The following C7 variants were observed in gnomAD, a reference collection of about 807,000 sequenced individuals.
The protein encoded by C7 is complement C7.
Under a neutral mutation model 104.8 loss-of-function variants are expected in C7, and 83 were observed. The ratio of observed to expected loss-of-function variants is 0.79; its 90% CI spans 0.66 to 0.95. The LOEUF is 0.95. Among genes scored for constraint, C7 ranks in the 40% least tolerant of loss-of-function variants. C7 has a pLI of 0.00. For synonymous variants in C7, 415 were observed against 360.6 expected, an observed-to-expected ratio of 1.15 and a Z score of -1.71; for missense variants, 1,070 against 1,011.2, an observed-to-expected ratio of 1.06 and a Z score of -0.79.
intron 3 of C7, 106 bp from the exon 4 acceptor site, chr5:40,934,219 A>C (rs552629902): frequency 2.6e-6 from 3 of 1,169,460 alleles, no homozygotes; most frequent in Non-Finnish European, 3.4e-6. Flanking sequence ...TTGTTTTTCT[A>C]ATTGTATTAC....
At chr5:40,910,548 A>G (rs1739185530) in intron 1 of C7, among the ~76,000 whole-genome samples, 1 of 152,158 alleles carries the variant, frequency 6.6e-6, no homozygotes, top group Admixed American at 6.6e-5. Flanking sequence ...AAACACAAAT[A>G]ACAAAGTTAA....
intron 1 of C7, among the ~76,000 whole-genome samples, chr5:40,913,175 T>C (rs1455523803): frequency 6.6e-6 from 1 of 152,234 alleles, no homozygotes; most frequent in Non-Finnish European, 1.5e-5. Flanking sequence ...ATTGTGTATA[T>C]ACTGCATTTT....
At position 40,945,294 on chromosome 5, in the gene C7, C is replaced by A; in HGVS notation, c.664C>A (p.Arg222Ser). 6.2e-7 allele frequency: 1 copy of A among 1,607,628 alleles called. No individual in the cohort carries two copies. The highest frequency in any genetic ancestry group is 8.5e-7 in the Non-Finnish European group (1 of 1,176,636). ...STEHTSSSRK[R>S]SFFRSSSSSS... ...AGAACACACATCATCTAGTCGGAAGCGCTCCTTTTTTAGATCTTCATCATC... is the reference window on the plus strand; with the variant it reads ...AGAACACACATCATCTAGTCGGAAGAGCTCCTTTTTTAGATCTTCATCATC... Residue 222 changes from arginine (R) to serine (S), a missense_variant, in exon 7 of 18, where the codon CGC (arginine) becomes AGC (serine). Transcript: ENST00000313164.
chr5:40,934,402 C>G lies in C7; in HGVS notation c.216C>G (p.Ser72=). The G allele has an allele frequency of 6.2e-7, 1 of 1,613,704 alleles. No homozygotes were observed. Among genetic ancestry groups the G allele is most frequent in the Non-Finnish European group, 8.5e-7 (1 of 1,179,698 alleles). ...PCVGNAFETQ[S]CEPTRGCPTE... ...TTGGAAATGCTTTTGAAACACAGTCCTGTGAACCTACAAGAGGATGTCCAA... is the reference window on the plus strand; with the variant it reads ...TTGGAAATGCTTTTGAAACACAGTCGTGTGAACCTACAAGAGGATGTCCAA... The change falls in exon 4 of 18, where the codon TCC becomes TCG. Residue 72 remains serine, a synonymous_variant. Transcript: ENST00000313164.
intron 1 of C7, among the ~76,000 whole-genome samples, chr5:40,927,765 G>A (rs559055694): frequency 2.5e-4 from 38 of 152,206 alleles, no homozygotes; most frequent in African/African-American, 8.9e-4. Flanking sequence ...CTGTCAGAAT[G>A]GCTATTATCA....
chr5:40,930,298 C>T (rs2111577153), intron 2 of C7, among the ~76,000 whole-genome samples: 1 of 147,636 alleles, frequency 6.8e-6, no homozygotes, highest in African/African-American at 2.5e-5. Flanking sequence ...CTCTGCCTCC[C>T]AGGTTCAAGC....
In C7 at chr5:40,970,602, T is replaced by A. The variant is rs113037689; in HGVS notation, c.1883-1801T>A. Among the ~76,000 whole-genome samples the A allele has an allele frequency of 1.7e-3, 266 of 152,208 alleles. 1 individual carries two copies. The highest frequency in any genetic ancestry group is 5.6e-3 in the African/African-American group (234 of 41,514). On this transcript the variant is annotated intron_variant, in intron 14 of 17. Coordinates refer to ENST00000313164, the MANE Select transcript of C7 (RefSeq NM_000587.4). ...GCCTAGGAGTTTTTAATTTTTTTTTTAATTTTACTTTAAGTTCTGGGATAC... is the reference window on the plus strand; with the variant it reads ...GCCTAGGAGTTTTTAATTTTTTTTTAAATTTTACTTTAAGTTCTGGGATAC...
chr5:40,972,624 A>T, intron 15 of C7, 30 bp downstream of exon 15: 1 of 1,546,384 alleles, frequency 6.5e-7, no homozygotes, highest in South Asian at 1.3e-5. Flanking sequence ...ATCCAAGGAC[A>T]CTTGTACCCA....
intron 11 of C7, among the ~76,000 whole-genome samples, chr5:40,959,128 C>T (rs962140058): frequency 7.9e-5 from 12 of 152,166 alleles, no homozygotes; most frequent in Non-Finnish European, 4.4e-5. Context: ...AGAATGGTAA[C>T]ATTTCCTGCC....
intron 9 of C7, among the ~76,000 whole-genome samples, chr5:40,954,526 T>A (rs1381408980): frequency 6.6e-6 from 1 of 152,094 alleles, no homozygotes; most frequent in Non-Finnish European, 1.5e-5. Context: ...ATAAAGAACA[T>A]GAACAATAAT....
At position 40,972,656 on chromosome 5, in the gene C7, C is replaced by A; in HGVS notation, c.2074+62C>A. Reference sequence around the variant, plus strand: ...CCCAGGCAAGTGAGAGTCCTTGTGGCGACCTTCATGGTACTGTATCACCAT... The same window carrying A: ...CCCAGGCAAGTGAGAGTCCTTGTGGAGACCTTCATGGTACTGTATCACCAT... On this transcript the variant is annotated intron_variant, in intron 15 of 17. Coordinates refer to ENST00000313164, the MANE Select transcript of C7 (RefSeq NM_000587.4). The A allele has an allele frequency of 2.9e-6, 4 of 1,362,548 alleles. No homozygotes were observed. In the Admixed American group the frequency reaches 6.3e-5, roughly 21 times the overall value. The allele number at this position is 1,362,548 out of a possible 1,614,324, so 84.4% of individuals were successfully genotyped here. A position where few individuals can be genotyped will look rare whatever the true frequency, so the allele number is the denominator to read the frequency against.
chr5:40,958,232 AG>A lies in C7; in HGVS notation c.1461del (p.Glu487AspfsTer6), dbSNP rs772043892. On this transcript the variant is annotated frameshift_variant, in exon 11 of 18. Transcript: ENST00000313164. LOFTEE classifies it high-confidence loss of function. ...CCGTACACATTTGGTGCGGCGTGTG[AG>A]CAAGGAGTCCTCGTAGGGAATCAAG... is the stretch of plus-strand genomic sequence containing the variant. ...CKPYTFGAAC[E>X]QGVLVGNQAG... 6.2e-7 allele frequency: 1 copy of A among 1,610,762 alleles called. No individual in the cohort carries two copies. The highest frequency in any genetic ancestry group is 2.2e-5 in the East Asian group (1 of 44,852).
intron 13 of C7, among the ~76,000 whole-genome samples, 172 bp downstream of exon 13, chr5:40,962,344 A>G (rs190916126): frequency 3.9e-5 from 6 of 152,270 alleles, no homozygotes; most frequent in East Asian, 1.9e-4. Flanking sequence ...CTTTGGCCCA[A>G]GGTGATGTGA....
At chr5:40,936,149 T>C (rs1361396997) in intron 4 of C7, among the ~76,000 whole-genome samples, 189 bp from the exon 5 acceptor site, 1 of 152,184 alleles carries the variant, frequency 6.6e-6, no homozygotes, top group African/African-American at 2.4e-5. Context: ...TTAAGAACCA[T>C]TTCCATGTGC....
chr5:40,936,420 C>T lies in C7; in HGVS notation c.363C>T (p.Asp121=), dbSNP rs1278087102. Residue 121 remains aspartate, a synonymous_variant, in exon 5 of 18, where the codon GAC becomes GAT. Coordinates refer to ENST00000313164, the MANE Select transcript of C7 (RefSeq NM_000587.4). ...EDSADEDRCE[D]SERRPSCDID... ...GTGCTGATGAAGACAGATGTGAGGACTCAGAAAGGAGACCTTCCTGTGATA... is the reference window on the plus strand; with the variant it reads ...GTGCTGATGAAGACAGATGTGAGGATTCAGAAAGGAGACCTTCCTGTGATA... The T allele has an allele frequency of 6.2e-7, 1 of 1,613,268 alleles. No homozygotes were observed.
chr5:40,928,844 A>T (rs1739612900), intron 2 of C7, among the ~76,000 whole-genome samples: 1 of 152,142 alleles, frequency 6.6e-6, no homozygotes, highest in African/African-American at 2.4e-5. Flanking sequence ...CTCTTGTAAA[A>T]TTATTTTTAA....
intron 3 of C7, among the ~76,000 whole-genome samples, chr5:40,933,950 T>TG (rs1377078230): frequency 6.6e-6 from 1 of 151,790 alleles, no homozygotes; most frequent in Non-Finnish European, 1.5e-5. Context: ...CTTTTTTTTT[T>TG]TTTGAGACGG....
At chr5:40,912,703 T>C (rs1458171350) in intron 1 of C7, among the ~76,000 whole-genome samples, 1 of 152,240 alleles carries the variant, frequency 6.6e-6, no homozygotes, top group Admixed American at 6.5e-5. Context: ...GAAATAATTA[T>C]TTTCATTATC....
At position 40,983,596 on chromosome 5, in the gene C7, C is replaced by T. The variant is rs369049565; in HGVS notation, c.*2023C>T. 6.6e-5 allele frequency among the ~76,000 whole-genome samples: 10 copies of T among 152,200 alleles called. No homozygotes were observed. The East Asian group carries it at 1.5e-3, about 24-fold the overall frequency. On this transcript the variant is annotated 3_prime_UTR_variant, in exon 18 of 18. Coordinates refer to ENST00000313164, the MANE Select transcript of C7 (RefSeq NM_000587.4). Reference sequence around the variant, plus strand: ...TCTTTTCTGAACATTCTTGTGCTGACCTTTCCTCTAGTCCAACAGAGGCAT... The same window carrying T: ...TCTTTTCTGAACATTCTTGTGCTGATCTTTCCTCTAGTCCAACAGAGGCAT...
Sources: gnomAD v4.1 joint callset for allele counts (sites outside exome capture counted in the v4.1 genomes callset) on GRCh38, gnomAD v4.1.1 for gene constraint, MANE v1.5 for transcripts, NCBI Gene and HGNC (gene_info 2026-07-23, HGNC 2026-07-21) for gene names.